ZFAT: variants seen among roughly 807,000 people sequenced by gnomAD.
ZFAT encodes zinc finger protein ZFAT.
A neutral mutation model predicts 117.7 loss-of-function variants in ZFAT; 64 were observed. The ratio of observed to expected loss-of-function variants is 0.54; its 90% CI spans 0.44 to 0.67. The LOEUF (loss-of-function observed/expected upper bound fraction) is 0.67, where lower values mean the gene tolerates loss of function less well. ZFAT is among the 30% of genes least tolerant of loss of function. The probability of loss-of-function intolerance (pLI) is 0.00; values close to 1 mark genes in which losing one functional copy is unlikely to be tolerated. For synonymous variants in ZFAT, 679 were observed against 615.0 expected (o/e 1.10, Z -1.54); for missense variants, 1,433 against 1,584.5 (o/e 0.90, Z 1.62).
rs1814081923 is a variant in ZFAT, at chr8:134,712,965, ATTT to A, written c.-105_-103del. 7.5e-7 allele frequency: 1 copy of A among 1,329,206 alleles called. No individual in the cohort carries two copies. The highest frequency in any genetic ancestry group is 9.9e-7 in the Non-Finnish European group (1 of 1,012,268). The allele number at this position is 1,329,206 out of a possible 1,614,324, so 82.3% of individuals were successfully genotyped here. A position where few individuals can be genotyped will look rare whatever the true frequency, so the allele number is the denominator to read the frequency against. ...GCGCCCTGCTGACGCTTCGCTTTTTATTTTTATTTTTTTAAGAAAAGAGCCGGC... is the reference window on the plus strand; with the variant it reads ...GCGCCCTGCTGACGCTTCGCTTTTTATTATTTTTTTAAGAAAAGAGCCGGC... On this transcript the variant is annotated 5_prime_UTR_variant, in exon 1 of 16. Coordinates refer to ENST00000377838, the MANE Select transcript of ZFAT (RefSeq NM_020863.4).
At chr8:134,480,960 C>T (rs1487193225) in intron 15 of ZFAT, among the ~76,000 whole-genome samples, 5 of 152,092 alleles carry the variant, frequency 3.3e-5, no homozygotes, top group South Asian at 4.1e-4. Context: ...GGGTGAGCTC[C>T]GGAGGTTCCA....
chr8:134,489,600 T>C (rs1817911830), intron 15 of ZFAT, among the ~76,000 whole-genome samples: 1 of 152,184 alleles, frequency 6.6e-6, no homozygotes, highest in Non-Finnish European at 1.5e-5. Context: ...TCTCCGCTTC[T>C]GGACCTCTAA....
At chr8:134,546,382 T>C (rs950475623) in intron 11 of ZFAT, among the ~76,000 whole-genome samples, 10 of 152,188 alleles carry the variant, frequency 6.6e-5, no homozygotes, top group Non-Finnish European at 1.5e-4. Flanking sequence ...GACAGGAAGA[T>C]GAAGTTTTTT....
intron 10 of ZFAT, among the ~76,000 whole-genome samples, chr8:134,568,625 C>T (rs1349388123): frequency 6.6e-6 from 1 of 152,158 alleles, no homozygotes; most frequent in Non-Finnish European, 1.5e-5. Context: ...CATTTGAAAT[C>T]AAGAGTCAGC....
intron 7 of ZFAT, chr8:134,599,510 A>AGGGCCTGTGAGAGTGTTGG: frequency 3.4e-6 from 1 of 294,542 alleles, no homozygotes; most frequent in Non-Finnish European, 6.6e-6. Context: ...CCAAGGCCAC[A>AGGGCCTGTGAGAGTGTTGG]GGGCCTGTGA....
intron 2 of ZFAT, among the ~76,000 whole-genome samples, chr8:134,643,921 A>G (rs1830729246): frequency 6.6e-6 from 1 of 152,234 alleles, no homozygotes; most frequent in African/African-American, 2.4e-5. Flanking sequence ...GCTGCTGACC[A>G]GGGCAGATCA....
intron 2 of ZFAT, among the ~76,000 whole-genome samples, chr8:134,638,888 G>A (rs1830422066): frequency 6.6e-6 from 1 of 152,128 alleles, no homozygotes; most frequent in Non-Finnish European, 1.5e-5. Context: ...CATCCCCAAT[G>A]CCAGTCATCT....
At chr8:134,674,882 A>T (rs2131276431) in intron 1 of ZFAT, 1 of 171,478 alleles carries the variant, frequency 5.8e-6, no homozygotes, top group African/African-American at 2.4e-5. Flanking sequence ...AGCAAACTCC[A>T]GCAGACCTGC....
At position 134,601,658 on chromosome 8, in the gene ZFAT, T is replaced by G. The variant is rs984711142; in HGVS notation, c.2061A>C (p.Pro687=). ...NPAEASDLLP[P]VAGGGDTITH... ...TGATGGTGTCCCCACCACCAGCTAC[T>G]GGAGGGAGGAGGTCTGAGGCCTCAG... The change falls in exon 6 of 16, where the codon CCA becomes CCC. Residue 687 remains proline (P), a synonymous_variant. Transcript: ENST00000377838. The G allele has an allele frequency of 6.2e-7, 1 of 1,614,168 alleles. No individual in the cohort carries two copies.
chr8:134,760,096 G>A, the ZFAT span, among the ~76,000 whole-genome samples: 4 of 150,734 alleles, frequency 2.7e-5, no homozygotes, highest in Non-Finnish European at 5.9e-5. Context: ...GTGAAACCCC[G>A]TCTCTACTAA....
the ZFAT span, among the ~76,000 whole-genome samples, chr8:134,757,317 C>T: frequency 1.3e-5 from 2 of 151,958 alleles, no homozygotes; most frequent in African/African-American, 4.8e-5. Context: ...GCACCCAGCC[C>T]TTCCTTCCTT....
At chr8:134,524,230 T>C (rs1475694410) in intron 12 of ZFAT, among the ~76,000 whole-genome samples, 1 of 152,170 alleles carries the variant, frequency 6.6e-6, no homozygotes, top group Non-Finnish European at 1.5e-5. Flanking sequence ...CCTGCCTTGG[T>C]GCCGGTCTAT....
intron 15 of ZFAT, among the ~76,000 whole-genome samples, chr8:134,508,260 G>T (rs941109918): frequency 6.6e-6 from 1 of 152,192 alleles, no homozygotes; most frequent in African/African-American, 2.4e-5. Flanking sequence ...GCTTTGCATT[G>T]TGCCCTGGGC....
At chr8:134,584,903 T>C (rs1254412847) in intron 9 of ZFAT, among the ~76,000 whole-genome samples, 2 of 152,164 alleles carry the variant, frequency 1.3e-5, no homozygotes, top group Non-Finnish European at 2.9e-5. Flanking sequence ...GACTTTGCAG[T>C]TGAGGAAACC....
intron 1 of ZFAT, among the ~76,000 whole-genome samples, chr8:134,708,810 G>A (rs1212669140): frequency 6.6e-6 from 1 of 152,084 alleles, no homozygotes; most frequent in South Asian, 2.1e-4. Context: ...AAATTAGCGA[G>A]GCGTGGTGGC....
the ZFAT span, among the ~76,000 whole-genome samples, chr8:134,751,093 G>A: frequency 1.3e-5 from 2 of 151,526 alleles, no homozygotes; most frequent in African/African-American, 4.8e-5. Context: ...TTTTTTTCAG[G>A]TTCCAGACTT....
chr8:134,614,483 T>TAC (rs1268595706), intron 3 of ZFAT, among the ~76,000 whole-genome samples: 2 of 152,130 alleles, frequency 1.3e-5, no homozygotes, highest in African/African-American at 2.4e-5. Flanking sequence ...CCATTCTCCT[T>TAC]ACACACACAC....
chr8:134,608,687 A>C (rs374353658), intron 5 of ZFAT, 42 bp downstream of exon 5: 1 of 1,596,302 alleles, frequency 6.3e-7, no homozygotes, highest in Non-Finnish European at 8.5e-7. Flanking sequence ...GTTCACTCAC[A>C]TGCAACCTCT....
At chr8:134,718,109 G>A in the ZFAT span, among the ~76,000 whole-genome samples, 1 of 152,304 alleles carries the variant, frequency 6.6e-6, no homozygotes, top group East Asian at 1.9e-4. Flanking sequence ...AGTTACATTC[G>A]ACAGTTACAT....
Sources: allele counts gnomAD v4.1 joint callset (sites outside exome capture counted in the v4.1 genomes callset), GRCh38; gene constraint gnomAD v4.1.1; transcripts MANE v1.5; gene names NCBI Gene and HGNC (gene_info 2026-07-23, HGNC 2026-07-21).